Variants in ZNF28 observed in about 807,000 individuals in gnomAD.
ZNF28 encodes the protein zinc finger protein 28.
A neutral mutation model predicts 7.2 loss-of-function variants in ZNF28; 5 were observed. The observed-to-expected ratio is 0.70, with a 90% CI of 0.36 to 1.46. ZNF28 has a LOEUF of 1.46. ZNF28 is among the 40% of genes most tolerant of loss of function. The pLI is 0.03. For synonymous variants in ZNF28, 288 were observed against 292.4 expected (o/e 0.99, Z 0.15); for missense variants, 879 against 866.6 (o/e 1.01, Z -0.18).
At position 52,821,611 on chromosome 19, in the gene ZNF28, C is replaced by G. The variant is rs2063199620; in HGVS notation, c.-99G>C. On this transcript the variant is annotated 5_prime_UTR_variant, in exon 1 of 4. Transcript: ENST00000457749. Reference sequence around the variant, plus strand: ...CGCCCGCCGCGGCGTCACCGTCATTCCACGGGATCCGCTTCCTGGTCTGCG... The same window carrying G: ...CGCCCGCCGCGGCGTCACCGTCATTGCACGGGATCCGCTTCCTGGTCTGCG... The G allele has an allele frequency of 6.6e-6, 1 of 152,200 alleles. No homozygotes were observed. 9.4% of individuals were successfully genotyped at this position (152,200 alleles called of 1,614,324 possible).
chr19:52,817,356 G>A (rs1240797323), intron 2 of ZNF28, among the ~76,000 whole-genome samples: 1 of 152,108 alleles, frequency 6.6e-6, no homozygotes, highest in African/African-American at 2.4e-5. Flanking sequence ...TGGATAACAA[G>A]AGTGAAACTC....
intron 3 of ZNF28, among the ~76,000 whole-genome samples, chr19:52,804,803 C>T (rs1166589850): frequency 2.0e-5 from 3 of 152,184 alleles, no homozygotes; most frequent in Non-Finnish European, 4.4e-5. Context: ...TCACAGCTGG[C>T]CAGTCTAAGC....
intron 3 of ZNF28, among the ~76,000 whole-genome samples, chr19:52,802,493 T>C (rs1234832831): frequency 6.6e-6 from 1 of 152,060 alleles, no homozygotes; most frequent in Middle Eastern, 3.2e-3. Context: ...GCCTGGCCAA[T>C]GTGGCAAAAC....
intron 3 of ZNF28, chr19:52,805,526 C>G (rs1328191080): frequency 6.6e-6 from 1 of 151,868 alleles, no homozygotes; most frequent in African/African-American, 2.4e-5. Flanking sequence ...ACTCGGGAGG[C>G]TGAGGAAGGA....
chr19:52,810,017 G>A, intron 2 of ZNF28: 7 of 753,078 alleles, frequency 9.3e-6, no homozygotes, highest in Non-Finnish European at 1.7e-5. Flanking sequence ...TGTTGGAGCC[G>A]GAGCCCGAAG....
chr19:52,806,686 G>C (rs1439806872), intron 3 of ZNF28, among the ~76,000 whole-genome samples: 2 of 151,938 alleles, frequency 1.3e-5, no homozygotes. Flanking sequence ...TGGGTCACTT[G>C]AGATCAGAAG....
intron 2 of ZNF28, chr19:52,810,639 T>C: frequency 7.6e-7 from 1 of 1,313,842 alleles, no homozygotes; most frequent in Non-Finnish European, 1.1e-6. Flanking sequence ...ACAGTGGTTT[T>C]AACAGCAGGC....
intron 3 of ZNF28, chr19:52,805,236 C>G (rs1222673790): frequency 6.7e-6 from 1 of 150,284 alleles, no homozygotes; most frequent in East Asian, 2.0e-4. Flanking sequence ...CACCACTGCA[C>G]TTTAGCCTGG....
intron 2 of ZNF28, among the ~76,000 whole-genome samples, chr19:52,810,888 TCCCCC>T (rs2063021340): frequency 2.5e-4 from 1 of 3,968 alleles, no homozygotes; most frequent in African/African-American, 1.1e-3. Flanking sequence ...CCCCTCCCCC[TCCCCC>T]TCCCCCTCCC....
At position 52,799,121 on chromosome 19, in the gene ZNF28, A is replaced by G; in HGVS notation, c.*567T>C. On this transcript the variant is annotated 3_prime_UTR_variant, in exon 4 of 4. Coordinates refer to ENST00000457749, the MANE Select transcript of ZNF28 (RefSeq NM_006969.5). ...ATTTGTAAGATTTCTCTGCAGTATG[A>G]AGACTATGATGACTTGCAAGGTGTG... The G allele has an allele frequency of 2.4e-6, 1 of 414,324 alleles. No homozygotes were observed. The highest frequency in any genetic ancestry group is 4.7e-6 in the Non-Finnish European group (1 of 213,234). 25.7% of individuals were successfully genotyped at this position (414,324 alleles called of 1,614,324 possible).
At chr19:52,820,071 A>T (rs2063175037) in intron 1 of ZNF28, among the ~76,000 whole-genome samples, 1 of 143,678 alleles carries the variant, frequency 7.0e-6, no homozygotes, top group Non-Finnish European at 1.5e-5. Context: ...GAAATACAAA[A>T]ATTAGCTGGG....
In ZNF28 at chr19:52,808,135, T is replaced by A; in HGVS notation, c.16-2A>T. On this transcript the variant is annotated splice_acceptor_variant, in intron 2 of 3. Transcript: ENST00000457749. LOFTEE classifies it high-confidence loss of function. Reference sequence around the variant, plus strand: ...CACGTCCCTGAATGTCAATAGACCCTGAAATGGAAACACATTTTAACCAAA... The same window carrying A: ...CACGTCCCTGAATGTCAATAGACCCAGAAATGGAAACACATTTTAACCAAA... The A allele has an allele frequency of 1.2e-6, 2 of 1,612,850 alleles. No homozygotes were observed. The highest frequency in any genetic ancestry group is 1.7e-6 in the Non-Finnish European group (2 of 1,179,210).
chr19:52,801,822 A>G, intron 3 of ZNF28, 120 bp from the exon 4 acceptor site: 1 of 969,648 alleles, frequency 1.0e-6, no homozygotes, highest in Non-Finnish European at 1.5e-6. Flanking sequence ...TGATCTTCAA[A>G]GTTTAAGAAC....
intron 2 of ZNF28, among the ~76,000 whole-genome samples, chr19:52,812,508 G>C (rs1340818295): frequency 8.1e-6 from 1 of 123,580 alleles, no homozygotes; most frequent in Non-Finnish European, 1.7e-5. Flanking sequence ...TGTCCACTCA[G>C]GGTTAAATGG....
At position 52,810,454 on chromosome 19, in the gene ZNF28, C is replaced by T; in HGVS notation, c.16-2321G>A. ...AAAGGGTTTGCATATATAGAGTTCTCAAAGAGTCAGTGAGGACTTCCTTGG... is the reference window on the plus strand; with the variant it reads ...AAAGGGTTTGCATATATAGAGTTCTTAAAGAGTCAGTGAGGACTTCCTTGG... On this transcript the variant is annotated intron_variant, in intron 2 of 3. Coordinates refer to ENST00000457749, the MANE Select transcript of ZNF28 (RefSeq NM_006969.5). The T allele has an allele frequency of 1.9e-6, 3 of 1,596,772 alleles. No homozygotes were observed. The South Asian group carries it at 3.3e-5, about 18-fold the overall frequency.
chr19:52,809,762 G>A (rs2062989280), intron 2 of ZNF28: 2 of 479,586 alleles, frequency 4.2e-6, no homozygotes, highest in Non-Finnish European at 3.7e-6. Context: ...CTGAGATCAT[G>A]CCACTTCACT....
chr19:52,803,068 A>T (rs542658764), intron 3 of ZNF28, among the ~76,000 whole-genome samples: 22 of 150,518 alleles, frequency 1.5e-4, no homozygotes, highest in African/African-American at 5.4e-4. Flanking sequence ...GCCGACTTTT[A>T]AAAAAAATTT....
chr19:52,819,790 T>C (rs199560504), intron 1 of ZNF28, among the ~76,000 whole-genome samples: 1,886 of 140,690 alleles, frequency 0.013, 254 homozygotes, highest in African/African-American at 0.05. Flanking sequence ...CTGATGAAAT[T>C]GACTCCCAAC....
At chr19:52,804,869 A>G (rs893215057) in intron 3 of ZNF28, among the ~76,000 whole-genome samples, 8 of 152,214 alleles carry the variant, frequency 5.3e-5, no homozygotes, top group Admixed American at 4.6e-4. Context: ...TCTCATCATC[A>G]ACATCACCAA....
Sources: gnomAD v4.1 joint callset for allele counts (sites outside exome capture counted in the v4.1 genomes callset) on GRCh38, gnomAD v4.1.1 for gene constraint, MANE v1.5 for transcripts, NCBI Gene and HGNC (gene_info 2026-07-23, HGNC 2026-07-21) for gene names.